Variants in FOXP2 observed in about 807,000 individuals in gnomAD.
FOXP2 encodes forkhead box protein P2.
FOXP2 carries 12 observed loss-of-function variants against 115.8 expected under a neutral mutation model. The ratio of observed to expected loss-of-function variants is 0.10; its 90% CI spans 0.07 to 0.17. FOXP2 has a LOEUF of 0.17. FOXP2 is among the 10% of genes least tolerant of loss of function. The pLI is 1.00. For missense variants in FOXP2, 629 were observed against 843.5 expected (o/e 0.75, Z 3.15); for synonymous variants, 328 against 297.7 (o/e 1.10, Z -1.05).
chr7:114,250,309 C>A (rs1795407145), intron 1 of FOXP2, among the ~76,000 whole-genome samples: 1 of 152,020 alleles, frequency 6.6e-6, no homozygotes, highest in Non-Finnish European at 1.5e-5. Flanking sequence ...GGGTATATAC[C>A]CAGTAATGGG....
At chr7:114,339,907 T>G (rs940681106) in intron 2 of FOXP2, among the ~76,000 whole-genome samples, 2 of 151,136 alleles carry the variant, frequency 1.3e-5, no homozygotes, top group African/African-American at 4.8e-5. Context: ...ATATTTTATG[T>G]AGTAGGTGAA....
intron 2 of FOXP2, among the ~76,000 whole-genome samples, chr7:114,372,576 A>C (rs1562891427): frequency 6.6e-6 from 1 of 152,198 alleles, no homozygotes; most frequent in Non-Finnish European, 1.5e-5. Context: ...TTGTACATCA[A>C]TTTCCCCAAA....
intron 2 of FOXP2, among the ~76,000 whole-genome samples, chr7:114,333,819 C>A (rs1797773591): frequency 6.6e-6 from 1 of 151,540 alleles, no homozygotes; most frequent in African/African-American, 2.4e-5. Context: ...ACCCAGTAGG[C>A]ATAGGGTGCA....
intron 2 of FOXP2, among the ~76,000 whole-genome samples, chr7:114,494,562 G>A (rs903030851): frequency 1.3e-5 from 2 of 152,044 alleles, no homozygotes; most frequent in Non-Finnish European, 2.9e-5. Flanking sequence ...AAAGTAATCT[G>A]GACCAAGTTT....
intron 3 of FOXP2, among the ~76,000 whole-genome samples, chr7:114,558,801 C>T (rs1030412488): frequency 6.6e-6 from 1 of 152,092 alleles, no homozygotes; most frequent in African/African-American, 2.4e-5. Context: ...TAATATGAAA[C>T]TCATCACTAA....
chr7:114,098,303 G>A (rs901438320), intron 1 of FOXP2, among the ~76,000 whole-genome samples: 5 of 152,104 alleles, frequency 3.3e-5, no homozygotes, highest in African/African-American at 1.2e-4. Flanking sequence ...ATAGATGGAG[G>A]CATCACATTT....
At chr7:114,339,351 A>C (rs1734362115) in intron 2 of FOXP2, among the ~76,000 whole-genome samples, 1 of 151,286 alleles carries the variant, frequency 6.6e-6, no homozygotes, top group South Asian at 2.1e-4. Flanking sequence ...ATGTTATTAA[A>C]TGTGATTTAA....
chr7:114,297,614 A>C (rs958716989), intron 2 of FOXP2, among the ~76,000 whole-genome samples: 1 of 152,234 alleles, frequency 6.6e-6, no homozygotes, highest in African/African-American at 2.4e-5. Context: ...ATCTGAAAGA[A>C]GTCCTTGACA....
chr7:114,289,494 C>T (rs1796542780), intron 2 of FOXP2, among the ~76,000 whole-genome samples: 1 of 151,774 alleles, frequency 6.6e-6, no homozygotes, highest in Admixed American at 6.6e-5. Context: ...TATACTCTAT[C>T]TTTATATAGC....
chr7:114,109,432 T>C (rs528307977), intron 1 of FOXP2, among the ~76,000 whole-genome samples: 1 of 152,168 alleles, frequency 6.6e-6, no homozygotes, highest in South Asian at 2.1e-4. Flanking sequence ...GTTGCAATAA[T>C]AAAATGAGAA....
intron 2 of FOXP2, among the ~76,000 whole-genome samples, chr7:114,360,213 C>A: frequency 6.6e-6 from 1 of 152,144 alleles, no homozygotes; most frequent in African/African-American, 2.4e-5. Context: ...TAAGACCTAC[C>A]TTTGCTCCTC....
At chr7:114,676,075 A>ATTTTTTTTTTTTTTTTT (rs11327459) in intron 16 of FOXP2, among the ~76,000 whole-genome samples, 9 of 89,564 alleles carry the variant, frequency 1.0e-4, no homozygotes, top group African/African-American at 2.0e-4. Context: ...AGGCCCGGCT[A>ATTTTTTTTTTTTTTTTT]TTTTTTTTTT....
intron 1 of FOXP2, among the ~76,000 whole-genome samples, chr7:114,129,015 G>A (rs937157102): frequency 3.3e-5 from 5 of 152,122 alleles, no homozygotes; most frequent in Non-Finnish European, 5.9e-5. Flanking sequence ...ATATCTGGCT[G>A]CCAGAACCTT....
At chr7:114,093,456 A>G (rs1417420763) in intron 1 of FOXP2, among the ~76,000 whole-genome samples, 1 of 152,174 alleles carries the variant, frequency 6.6e-6, no homozygotes, top group African/African-American at 2.4e-5. Context: ...TGTAGGTTCC[A>G]TGGAGCCAGG....
At chr7:114,460,272 G>A (rs1053805718) in intron 2 of FOXP2, among the ~76,000 whole-genome samples, 3 of 152,082 alleles carry the variant, frequency 2.0e-5, no homozygotes, top group African/African-American at 7.2e-5. Flanking sequence ...AAGTAAGTTA[G>A]GTTTGTTTAG....
intron 2 of FOXP2, among the ~76,000 whole-genome samples, chr7:114,510,003 A>T (rs1797997176): frequency 6.6e-6 from 1 of 152,148 alleles, no homozygotes; most frequent in Non-Finnish European, 1.5e-5. Flanking sequence ...AATAGCAGCC[A>T]GTGTACACAG....
intron 3 of FOXP2, among the ~76,000 whole-genome samples, chr7:114,608,981 C>T (rs931453761): frequency 6.6e-6 from 1 of 151,868 alleles, no homozygotes; most frequent in African/African-American, 2.4e-5. Context: ...GGCGGATCAC[C>T]TGAGGTCAGG....
chr7:114,239,075 GAAC>G, intron 1 of FOXP2, among the ~76,000 whole-genome samples: 1 of 151,660 alleles, frequency 6.6e-6, no homozygotes, highest in Non-Finnish European at 1.5e-5. Flanking sequence ...TAAAAATGCT[GAAC>G]AAAAATTTAG....
intron 16 of FOXP2, among the ~76,000 whole-genome samples, chr7:114,679,868 T>A (rs183881159): frequency 1.3e-5 from 2 of 152,316 alleles, no homozygotes; most frequent in East Asian, 3.9e-4. Flanking sequence ...CATTCTGCCT[T>A]GTGTTAAAGT....
Sources: gnomAD v4.1 joint callset for allele counts (sites outside exome capture counted in the v4.1 genomes callset) on GRCh38, gnomAD v4.1.1 for gene constraint, MANE v1.5 for transcripts, NCBI Gene and HGNC (gene_info 2026-07-23, HGNC 2026-07-21) for gene names.